The following RGS7 variants were observed in gnomAD, a reference collection of about 807,000 sequenced individuals.
RGS7 encodes the protein regulator of G-protein signaling 7.
In RGS7, 27 loss-of-function variants were observed where a neutral mutation model predicts 81.1. The observed-to-expected ratio is 0.33, with a 90% confidence interval of 0.25 to 0.46. The LOEUF (loss-of-function observed/expected upper bound fraction) is 0.46, where lower values mean the gene tolerates loss of function less well. Among genes scored for constraint, RGS7 ranks in the 20% least tolerant of loss-of-function variants. RGS7 has a pLI of 1.00. For synonymous variants in RGS7, 208 were observed against 207.7 expected, an observed-to-expected ratio of 1.00 and a Z score of -0.01; for missense variants, 396 against 607.4, an observed-to-expected ratio of 0.65 and a Z score of 3.66.
At chr1:241,240,630 A>G (rs2076217396) in intron 2 of RGS7, among the ~76,000 whole-genome samples, 1 of 152,216 alleles carries the variant, frequency 6.6e-6, no homozygotes, top group African/African-American at 2.4e-5. Flanking sequence ...CATATACTTC[A>G]TCATATACAT....
intron 2 of RGS7, among the ~76,000 whole-genome samples, chr1:241,209,809 C>T (rs7548260): frequency 0.12 from 18,248 of 151,590 alleles, 1,629 homozygotes; most frequent in East Asian, 0.4. Flanking sequence ...TGCACTGCAG[C>T]GTGGGTGTCA....
intron 2 of RGS7, among the ~76,000 whole-genome samples, chr1:241,183,782 T>G (rs2071845643): frequency 1.3e-5 from 2 of 152,130 alleles, no homozygotes; most frequent in African/African-American, 2.4e-5. Context: ...TAGGGCCACA[T>G]GGGAAACATT....
At chr1:240,879,665 T>C (rs1666055609) in intron 6 of RGS7, among the ~76,000 whole-genome samples, 1 of 152,196 alleles carries the variant, frequency 6.6e-6, no homozygotes, top group Non-Finnish European at 1.5e-5. Flanking sequence ...TGCTCATATC[T>C]TTGTACAAAT....
intron 2 of RGS7, among the ~76,000 whole-genome samples, chr1:241,207,149 A>G (rs939076673): frequency 6.6e-6 from 1 of 150,754 alleles, no homozygotes; most frequent in Non-Finnish European, 1.5e-5. Context: ...TTGTATTTTT[A>G]GTAGAGACGG....
intron 18 of RGS7, among the ~76,000 whole-genome samples, chr1:240,786,898 A>G (rs927712424): frequency 6.6e-6 from 1 of 152,100 alleles, no homozygotes; most frequent in Non-Finnish European, 1.5e-5. Context: ...ATATAATGCA[A>G]CAAATATTTT....
At chr1:240,991,380 A>AC (rs1398829171) in intron 3 of RGS7, among the ~76,000 whole-genome samples, 1 of 152,174 alleles carries the variant, frequency 6.6e-6, no homozygotes. Flanking sequence ...AATGGAGACC[A>AC]CCCTCAGGAT....
At chr1:241,319,348 G>C (rs891277922) in intron 2 of RGS7, among the ~76,000 whole-genome samples, 1 of 152,008 alleles carries the variant, frequency 6.6e-6, no homozygotes, top group African/African-American at 2.4e-5. Context: ...AAAAATACAA[G>C]AATATAGATT....
At chr1:241,268,225 A>G (rs1302468234) in intron 2 of RGS7, among the ~76,000 whole-genome samples, 1 of 152,178 alleles carries the variant, frequency 6.6e-6, no homozygotes, top group African/African-American at 2.4e-5. Context: ...AGAGCCAGGA[A>G]GAGAGCTGAG....
Position 241,287,517 on chromosome 1 carries a change from C to A in RGS7, c.78+68182G>T, listed in dbSNP as rs182094896. On this transcript the variant is annotated intron_variant, in intron 2 of 18. Transcript: ENST00000440928. ...ATGAGGCTTCCCCAGCCATGTGGAA[C>A]TGTGAGTCAATTAAACCTCTTTCCT... 1.4e-3 allele frequency among the ~76,000 whole-genome samples: 211 copies of A among 152,326 alleles called. 2 individuals are homozygous for A. Among genetic ancestry groups the A allele is most frequent in the African/African-American group, 4.6e-3 (192 of 41,574 alleles).
chr1:241,026,416 C>T (rs1305001171), intron 3 of RGS7, among the ~76,000 whole-genome samples: 1 of 152,076 alleles, frequency 6.6e-6, no homozygotes, highest in African/African-American at 2.4e-5. Flanking sequence ...TGGTGAAACC[C>T]TGTCTCTACT....
In RGS7 at chr1:240,901,751, T is replaced by C. The variant is rs114218851; in HGVS notation, c.385+28966A>G. 6.3e-3 allele frequency among the ~76,000 whole-genome samples: 961 copies of C among 152,322 alleles called. 4 individuals carry two copies. The highest frequency in any genetic ancestry group is 9.7e-3 in the Non-Finnish European group (657 of 68,028). On this transcript the variant is annotated intron_variant, in intron 6 of 18. Transcript: ENST00000440928. ...CTCACTACGTATGGTCTCCAAGTCA[T>C]GTTCACTGTCACTTTGGGAGCATTA...
chr1:240,827,032 T>G, intron 10 of RGS7, 66 bp downstream of exon 10: 1 of 1,298,292 alleles, frequency 7.7e-7, no homozygotes, highest in Non-Finnish European at 1.1e-6. Context: ...AAAGTGTTTT[T>G]ATGGCTGACG....
intron 6 of RGS7, among the ~76,000 whole-genome samples, chr1:240,871,678 A>T (rs1459300115): frequency 6.6e-6 from 1 of 152,238 alleles, no homozygotes; most frequent in Non-Finnish European, 1.5e-5. Flanking sequence ...AGGATCTCTT[A>T]CTATAGACGC....
intron 2 of RGS7, among the ~76,000 whole-genome samples, chr1:241,226,554 G>T (rs2075319574): frequency 6.6e-6 from 1 of 152,160 alleles, no homozygotes; most frequent in Non-Finnish European, 1.5e-5. Flanking sequence ...CAGTTAGCCA[G>T]ACCACCCCTG....
rs71172667 is a variant in RGS7, at chr1:240,985,949, TTAAATAAATAAATAAATAAA to T, written c.176-2840_176-2821del. On this transcript the variant is annotated intron_variant, in intron 3 of 18. Coordinates refer to ENST00000440928, the MANE Select transcript of RGS7 (RefSeq NM_001364886.1). ...TTTACAGCAATTTTCCAGCTTTATA[TTAAATAAATAAATAAATAAA>T]TAAATAAATAAATAAATAAATAAAT... Among the ~76,000 whole-genome samples, 830 of 144,626 alleles carry T rather than the reference TTAAATAAATAAATAAATAAA, an allele frequency of 5.7e-3. 11 individuals are homozygous for T. The highest frequency in any genetic ancestry group is 0.019 in the African/African-American group (771 of 39,634). The allele number at this position is 144,626 out of a possible 152,430, so 94.9% of individuals were successfully genotyped here. A position where few individuals can be genotyped will look rare whatever the true frequency, so the allele number is the denominator to read the frequency against.
intron 2 of RGS7, among the ~76,000 whole-genome samples, chr1:241,290,469 A>G (rs2079031289): frequency 2.0e-5 from 3 of 152,260 alleles, no homozygotes; most frequent in Admixed American, 2.0e-4. Flanking sequence ...ACTATCTCAG[A>G]GTACAAAATA....
At chr1:241,302,588 CTCAG>C (rs1201563677) in intron 2 of RGS7, among the ~76,000 whole-genome samples, 1 of 152,064 alleles carries the variant, frequency 6.6e-6, no homozygotes, top group Non-Finnish European at 1.5e-5. Context: ...TTGGCTTCTA[CTCAG>C]ATAGGGAGCA....
At chr1:240,932,658 G>GCA (rs1675688154) in intron 5 of RGS7, among the ~76,000 whole-genome samples, 1 of 146,362 alleles carries the variant, frequency 6.8e-6, no homozygotes, top group Non-Finnish European at 1.5e-5. Context: ...ACAGGTGCCC[G>GCA]CCACCACGCC....
At chr1:241,042,008 A>T (rs1188730831) in intron 3 of RGS7, among the ~76,000 whole-genome samples, 3 of 152,178 alleles carry the variant, frequency 2.0e-5, no homozygotes, top group Non-Finnish European at 2.9e-5. Context: ...ATCCTTGACC[A>T]ACCATAGTGA....
Sources: gnomAD v4.1 joint callset for allele counts (sites outside exome capture counted in the v4.1 genomes callset) on GRCh38, gnomAD v4.1.1 for gene constraint, MANE v1.5 for transcripts, NCBI Gene and HGNC (gene_info 2026-07-23, HGNC 2026-07-21) for gene names.